MCM8: variants seen among roughly 807,000 people sequenced by gnomAD.
MCM8 encodes the protein DNA helicase MCM8.
A neutral mutation model predicts 98.9 loss-of-function variants in MCM8; 85 were observed. That is an observed-to-expected ratio of 0.86 (90% CI 0.72 to 1.03). The LOEUF (loss-of-function observed/expected upper bound fraction) is 1.03. Ranked by LOEUF, MCM8 falls within the 50% of genes least tolerant of loss-of-function variation. The pLI is 0.00. For missense variants in MCM8, 951 were observed against 997.8 expected (o/e 0.95, Z 0.63); for synonymous variants, 352 against 338.6 (o/e 1.04, Z -0.44).
At chr20:5,959,434 G>C (rs1425703605) in intron 7 of MCM8, among the ~76,000 whole-genome samples, 2 of 152,052 alleles carry the variant, frequency 1.3e-5, no homozygotes, top group African/African-American at 2.4e-5. Flanking sequence ...TTGTGTTTAC[G>C]TAAATGGTAT....
In MCM8 at chr20:5,954,862, T is replaced by C. The variant is rs111826168; in HGVS notation, c.336+172T>C. ...TTAATTACTTCTCTGTGCCTCAGTT[T>C]TCTTTCATTTGGAGATAGAGGTATA... On this transcript the variant is annotated intron_variant, in intron 4 of 18. Transcript: ENST00000610722. Among the ~76,000 whole-genome samples, 1,217 of 152,312 alleles carry C rather than the reference T, an allele frequency of 8.0e-3. 11 individuals are homozygous for C. Among genetic ancestry groups the C allele is most frequent in the Non-Finnish European group, 0.01 (687 of 68,012 alleles).
chr20:5,960,253 T>C (rs2089107107), intron 7 of MCM8, among the ~76,000 whole-genome samples: 1 of 152,182 alleles, frequency 6.6e-6, no homozygotes, highest in Admixed American at 6.5e-5. Context: ...TTATATCTAA[T>C]GTTCATTTTC....
intron 1 of MCM8, among the ~76,000 whole-genome samples, 185 bp from the exon 2 acceptor site, chr20:5,951,826 C>T (rs1024856349): frequency 3.3e-5 from 5 of 152,036 alleles, no homozygotes; most frequent in Non-Finnish European, 5.9e-5. Context: ...CCTTAAAAAG[C>T]GATAGAGATT....
At chr20:5,977,746 G>A in intron 12 of MCM8, 130 bp from the exon 13 acceptor site, 2 of 895,430 alleles carry the variant, frequency 2.2e-6, no homozygotes, top group Non-Finnish European at 3.3e-6. Context: ...CTCTGCTGGT[G>A]ATGGTGCACC....
At chr20:5,979,971 T>C (rs1187862414) in intron 13 of MCM8, among the ~76,000 whole-genome samples, 1 of 152,222 alleles carries the variant, frequency 6.6e-6, no homozygotes, top group Non-Finnish European at 1.5e-5. Context: ...GCTCCATTGG[T>C]GGCTCTGCCT....
chr20:5,967,505 T>C lies in MCM8; in HGVS notation c.945T>C (p.Leu315=). Residue 315 remains leucine (L), a synonymous_variant, in exon 9 of 19, where the codon CTT becomes CTC. Coordinates refer to ENST00000610722, the MANE Select transcript of MCM8 (RefSeq NM_032485.6). ...TTCCACGAACAATAGAATGTGAGCT[T>C]GTTCATGATCTTGTGGATAGCTGTG... ...GRIPRTIECE[L]VHDLVDSCVP... The C allele has an allele frequency of 6.2e-7, 1 of 1,614,082 alleles. No homozygotes were observed. Among genetic ancestry groups the C allele is most frequent in the Non-Finnish European group, 8.5e-7 (1 of 1,179,952 alleles).
intron 7 of MCM8, among the ~76,000 whole-genome samples, chr20:5,958,982 A>G (rs569222376): frequency 8.4e-4 from 121 of 144,908 alleles, no homozygotes; most frequent in Non-Finnish European, 1.5e-3. Context: ...TACTGGCACA[A>G]TTAGTGTCTG....
chr20:5,952,587 G>C, intron 3 of MCM8, 59 bp downstream of exon 3: 1 of 1,363,664 alleles, frequency 7.3e-7, no homozygotes, highest in Non-Finnish European at 1.0e-6. Context: ...CTTGTCTTTG[G>C]ATGCTACATC....
chr20:5,985,862 G>A (rs2122809913), intron 15 of MCM8, 60 bp from the exon 16 acceptor site: 1 of 1,570,762 alleles, frequency 6.4e-7, no homozygotes, highest in South Asian at 1.1e-5. Flanking sequence ...AGTTATTTTA[G>A]CAGAAATATT....
chr20:5,982,712 G>A (rs926296493), intron 13 of MCM8, among the ~76,000 whole-genome samples: 1 of 152,044 alleles, frequency 6.6e-6, no homozygotes, highest in South Asian at 2.1e-4. Flanking sequence ...CCTCCTCTTC[G>A]TTTTTGTAAT....
chr20:5,992,108 G>A (rs1050562731), intron 17 of MCM8, among the ~76,000 whole-genome samples: 1 of 152,148 alleles, frequency 6.6e-6, no homozygotes, highest in African/African-American at 2.4e-5. Flanking sequence ...AGAGAACAGA[G>A]CCACCTTCAA....
intron 2 of MCM8, 35 bp from the exon 3 acceptor site, chr20:5,952,389 C>A: frequency 6.3e-7 from 1 of 1,592,920 alleles, no homozygotes; most frequent in South Asian, 1.1e-5. Context: ...AATGTTCACT[C>A]TGTTTCTACT....
intron 14 of MCM8, among the ~76,000 whole-genome samples, chr20:5,984,484 T>C (rs992849976): frequency 2.6e-5 from 4 of 152,212 alleles, no homozygotes; most frequent in African/African-American, 7.2e-5. Flanking sequence ...ACCTCTGATA[T>C]GTCATGTAGC....
chr20:5,960,526 A>G (rs1450602384), intron 7 of MCM8, among the ~76,000 whole-genome samples: 2 of 151,968 alleles, frequency 1.3e-5, no homozygotes, highest in Non-Finnish European at 2.9e-5. Flanking sequence ...ATTTTCTCCC[A>G]GTCTTTGGTT....
At chr20:5,958,452 A>T in intron 6 of MCM8, 76 bp from the exon 7 acceptor site, 2 of 1,046,032 alleles carry the variant, frequency 1.9e-6, no homozygotes, top group Non-Finnish European at 2.9e-6. Flanking sequence ...AGAATTCCAT[A>T]GTTGCTCCTA....
chr20:5,974,352 C>T (rs917351631), intron 12 of MCM8, among the ~76,000 whole-genome samples: 1 of 152,022 alleles, frequency 6.6e-6, no homozygotes, highest in African/African-American at 2.4e-5. Context: ...GTCTCGAACT[C>T]CTGGGCTCAA....
Position 5,994,508 on chromosome 20 carries a change from C to G in MCM8, c.*117C>G, listed in dbSNP as rs2089921253. 4.9e-6 allele frequency: 3 copies of G among 608,814 alleles called. No homozygotes were observed. Among genetic ancestry groups the G allele is most frequent in the Non-Finnish European group, 5.8e-6 (2 of 345,910 alleles). 37.7% of individuals were successfully genotyped at this position (608,814 alleles called of 1,614,324 possible). On this transcript the variant is annotated 3_prime_UTR_variant, in exon 19 of 19. Coordinates refer to ENST00000610722, the MANE Select transcript of MCM8 (RefSeq NM_032485.6). ...ACACACACACACACACACACACACA[C>G]ACACACACACACACAGTCAAATACT... is the stretch of plus-strand genomic sequence containing the variant.
intron 16 of MCM8, 124 bp from the exon 17 acceptor site, chr20:5,987,158 T>G: frequency 1.2e-6 from 1 of 852,056 alleles, no homozygotes; most frequent in Non-Finnish European, 1.8e-6. Flanking sequence ...TGACTTTTGA[T>G]GTTATAACCT....
Position 5,955,038 on chromosome 20 carries a change from G to T in MCM8, c.337-64G>T, listed in dbSNP as rs149678129. The T allele has an allele frequency of 2.1e-5, 23 of 1,100,526 alleles. No homozygotes were observed. In the African/African-American group the frequency reaches 3.2e-4, roughly 15 times the overall value. 68.2% of individuals were successfully genotyped at this position (1,100,526 alleles called of 1,614,324 possible). ...GCTTTCTCAAAGTCTATAATAGAAT[G>T]CTCAGTTAATGGTAATTGACTACAG... On this transcript the variant is annotated intron_variant, in intron 4 of 18. Transcript: ENST00000610722.
Sources: allele counts gnomAD v4.1 joint callset (sites outside exome capture counted in the v4.1 genomes callset), GRCh38; gene constraint gnomAD v4.1.1; transcripts MANE v1.5; gene names NCBI Gene and HGNC (gene_info 2026-07-23, HGNC 2026-07-21).